ADAMTS3: variants seen among roughly 807,000 people sequenced by gnomAD.
The protein encoded by ADAMTS3 is A disintegrin and metalloproteinase with thrombospondin motifs 3.
ADAMTS3 carries 73 observed loss-of-function variants against 129.0 expected under a neutral mutation model. The observed-to-expected ratio is 0.57, with a 90% confidence interval of 0.47 to 0.69. The LOEUF is 0.69. ADAMTS3 is among the 30% of genes least tolerant of loss of function. ADAMTS3 has a pLI of 0.00. For missense variants in ADAMTS3, 1,457 were observed against 1,514.5 expected (o/e 0.96, Z 0.63); for synonymous variants, 477 against 510.8 (o/e 0.93, Z 0.89).
intron 4 of ADAMTS3, 47 bp from the exon 5 acceptor site, chr4:72,339,740 C>A (rs907245807): frequency 6.1e-6 from 9 of 1,478,262 alleles, no homozygotes; most frequent in African/African-American, 4.2e-5. Context: ...CCCTAACAGG[C>A]CTTCCAATCA....
chr4:72,401,668 G>A (rs1007605794), intron 4 of ADAMTS3, among the ~76,000 whole-genome samples: 4 of 151,164 alleles, frequency 2.6e-5, no homozygotes, highest in African/African-American at 9.7e-5. Flanking sequence ...AAAGATGGCT[G>A]ATAATTCTTT....
intron 3 of ADAMTS3, among the ~76,000 whole-genome samples, chr4:72,508,255 C>A (rs567488683): frequency 3.0e-4 from 45 of 152,208 alleles, no homozygotes; most frequent in Non-Finnish European, 6.0e-4. Flanking sequence ...GTCTCAGTAC[C>A]TCAGCAATGA....
intron 2 of ADAMTS3, among the ~76,000 whole-genome samples, chr4:72,561,816 T>C (rs1482967950): frequency 6.6e-6 from 1 of 152,242 alleles, no homozygotes; most frequent in Non-Finnish European, 1.5e-5. Flanking sequence ...CAATTTGTTC[T>C]AAATTCCATG....
intron 3 of ADAMTS3, among the ~76,000 whole-genome samples, chr4:72,494,670 C>G (rs1334972088): frequency 6.6e-6 from 1 of 152,156 alleles, no homozygotes; most frequent in Non-Finnish European, 1.5e-5. Flanking sequence ...GCATTGACAT[C>G]TGCACATTTG....
chr4:72,368,024 A>C (rs1181708931), intron 4 of ADAMTS3, among the ~76,000 whole-genome samples: 1 of 152,188 alleles, frequency 6.6e-6, no homozygotes, highest in East Asian at 1.9e-4. Context: ...AAAATATATG[A>C]AAACAAAAAT....
chr4:72,519,476 A>T (rs1720597898), intron 3 of ADAMTS3, among the ~76,000 whole-genome samples: 1 of 152,168 alleles, frequency 6.6e-6, no homozygotes. Flanking sequence ...CAGGTACACA[A>T]ATCAGACATA....
chr4:72,539,433 A>G (rs553025319), intron 3 of ADAMTS3, among the ~76,000 whole-genome samples: 31 of 149,108 alleles, frequency 2.1e-4, no homozygotes, highest in African/African-American at 7.6e-4. Context: ...AGGGAAATGC[A>G]TCTCAAAACT....
intron 3 of ADAMTS3, among the ~76,000 whole-genome samples, chr4:72,450,336 C>T (rs1439674778): frequency 6.6e-6 from 1 of 151,642 alleles, no homozygotes; most frequent in African/African-American, 2.4e-5. Flanking sequence ...AGCCACATGG[C>T]CAGGCTCTGG....
intron 19 of ADAMTS3, among the ~76,000 whole-genome samples, chr4:72,294,026 C>T (rs1048708208): frequency 3.3e-5 from 5 of 151,862 alleles, no homozygotes; most frequent in African/African-American, 9.7e-5. Flanking sequence ...AAAGAAAGAA[C>T]ACTGAGGAAC....
chr4:72,311,811 T>C (rs944616644), intron 13 of ADAMTS3, among the ~76,000 whole-genome samples: 1 of 152,052 alleles, frequency 6.6e-6, no homozygotes, highest in African/African-American at 2.4e-5. Flanking sequence ...AAGTAAGAAG[T>C]GAAACATTAA....
intron 4 of ADAMTS3, among the ~76,000 whole-genome samples, chr4:72,407,807 G>A: frequency 6.6e-6 from 1 of 152,082 alleles, no homozygotes; most frequent in Non-Finnish European, 1.5e-5. Context: ...TTTTCATTCA[G>A]ACTTGTAAAA....
At chr4:72,366,259 T>C (rs1720865057) in intron 4 of ADAMTS3, among the ~76,000 whole-genome samples, 2 of 152,206 alleles carry the variant, frequency 1.3e-5, no homozygotes, top group African/African-American at 4.8e-5. Flanking sequence ...AAATAATATG[T>C]TGAGTACTAG....
intron 3 of ADAMTS3, among the ~76,000 whole-genome samples, chr4:72,505,232 C>A (rs1406785033): frequency 1.3e-5 from 2 of 151,932 alleles, no homozygotes; most frequent in East Asian, 1.9e-4. Context: ...AGGATTTTTT[C>A]TTTTTCTCTA....
chr4:72,455,861 G>GTA (rs528494406), intron 3 of ADAMTS3, among the ~76,000 whole-genome samples: 1,460 of 105,420 alleles, frequency 0.014, 18 homozygotes, highest in South Asian at 0.026. Context: ...TTTATATATA[G>GTA]TATATACACT....
chr4:72,551,124 C>T (rs1721636130), intron 2 of ADAMTS3, among the ~76,000 whole-genome samples: 3 of 152,116 alleles, frequency 2.0e-5, no homozygotes, highest in Admixed American at 6.5e-5. Context: ...CTCTAACCAT[C>T]GGCTGACCAT....
At chr4:72,336,209 C>A (rs562326447) in intron 5 of ADAMTS3, among the ~76,000 whole-genome samples, 12 of 152,304 alleles carry the variant, frequency 7.9e-5, no homozygotes, top group African/African-American at 2.4e-4. Context: ...CATAGGGACA[C>A]CTTTCACACT....
At chr4:72,418,367 G>A (rs1722362456) in intron 3 of ADAMTS3, among the ~76,000 whole-genome samples, 1 of 152,068 alleles carries the variant, frequency 6.6e-6, no homozygotes, top group Non-Finnish European at 1.5e-5. Context: ...TCTGAATTTG[G>A]TAGCAAGTGG....
intron 3 of ADAMTS3, among the ~76,000 whole-genome samples, chr4:72,419,538 C>T (rs1722391588): frequency 6.6e-6 from 1 of 152,124 alleles, no homozygotes; most frequent in Non-Finnish European, 1.5e-5. Flanking sequence ...GTCCTGTGGG[C>T]CACAGGCAGC....
At chr4:72,489,513 C>T (rs1270179597) in intron 3 of ADAMTS3, among the ~76,000 whole-genome samples, 2 of 151,904 alleles carry the variant, frequency 1.3e-5, no homozygotes, top group African/African-American at 2.4e-5. Flanking sequence ...TCATCAACAT[C>T]GTCTGCTCCT....
Sources: gnomAD v4.1 joint callset for allele counts (sites outside exome capture counted in the v4.1 genomes callset) on GRCh38, gnomAD v4.1.1 for gene constraint, MANE v1.5 for transcripts, NCBI Gene and HGNC (gene_info 2026-07-23, HGNC 2026-07-21) for gene names.